Variants in TMEM108 observed in about 807,000 individuals in gnomAD.
TMEM108 encodes transmembrane protein 108, also known as cancer/testis antigen 124.
A neutral mutation model predicts 35.1 loss-of-function variants in TMEM108; 12 were observed. That is an observed-to-expected ratio of 0.34 (90% CI 0.22 to 0.55). The LOEUF (loss-of-function observed/expected upper bound fraction) is 0.55. Ranked by LOEUF, TMEM108 falls within the 20% of genes least tolerant of loss-of-function variation. The probability of loss-of-function intolerance (pLI) is 0.89; values close to 1 mark genes in which losing one functional copy is unlikely to be tolerated. For synonymous variants in TMEM108, 287 were observed against 308.6 expected (o/e 0.93, Z 0.73); for missense variants, 680 against 753.3 (o/e 0.90, Z 1.14).
chr3:133,325,836 A>G (rs1023889259), intron 3 of TMEM108, among the ~76,000 whole-genome samples: 1 of 151,894 alleles, frequency 6.6e-6, no homozygotes, highest in East Asian at 1.9e-4. Flanking sequence ...AATACTAATA[A>G]CATTTGATAA....
At chr3:133,219,560 T>A (rs1945957613) in intron 2 of TMEM108, among the ~76,000 whole-genome samples, 1 of 152,176 alleles carries the variant, frequency 6.6e-6, no homozygotes, top group African/African-American at 2.4e-5. Context: ...TTCATTTGTC[T>A]CAAGATAATT....
intron 3 of TMEM108, chr3:133,256,885 T>G (rs1946555248): frequency 1.3e-5 from 2 of 152,164 alleles, no homozygotes; most frequent in Non-Finnish European, 2.9e-5. Flanking sequence ...ACTATAACCT[T>G]AATGCAAAAG....
chr3:133,290,263 C>CACTT (rs1394642066), intron 3 of TMEM108, among the ~76,000 whole-genome samples: 1 of 152,140 alleles, frequency 6.6e-6, no homozygotes, highest in Non-Finnish European at 1.5e-5. Context: ...AACTATCAAC[C>CACTT]ACTTAGCTAT....
At chr3:133,177,691 C>T (rs1945258173) in intron 2 of TMEM108, among the ~76,000 whole-genome samples, 1 of 152,114 alleles carries the variant, frequency 6.6e-6, no homozygotes, top group African/African-American at 2.4e-5. Flanking sequence ...CTATGACAAA[C>T]CCACAGCCAA....
chr3:133,065,763 A>C (rs1470823814), intron 2 of TMEM108, among the ~76,000 whole-genome samples: 2 of 152,192 alleles, frequency 1.3e-5, no homozygotes, highest in African/African-American at 2.4e-5. Context: ...TGGAAATTAC[A>C]ATACCAGTAT....
chr3:133,047,681 G>T (rs1943356853), intron 2 of TMEM108, among the ~76,000 whole-genome samples: 1 of 151,692 alleles, frequency 6.6e-6, no homozygotes, highest in Non-Finnish European at 1.5e-5. Flanking sequence ...GAGCAGAATT[G>T]CCCCTGGTTG....
At chr3:133,217,420 T>C (rs189426843) in intron 2 of TMEM108, among the ~76,000 whole-genome samples, 113 of 152,192 alleles carry the variant, frequency 7.4e-4, no homozygotes, top group African/African-American at 2.6e-3. Flanking sequence ...TATAAAAGCT[T>C]GTTTGTTTGA....
chr3:133,178,329 A>G (rs2107799329), intron 2 of TMEM108, among the ~76,000 whole-genome samples: 2 of 152,354 alleles, frequency 1.3e-5, no homozygotes, highest in Middle Eastern at 6.8e-3. Flanking sequence ...ATATGGAACC[A>G]AAAAAGAGCC....
At chr3:133,392,877 A>G (rs2073254743) in intron 5 of TMEM108, among the ~76,000 whole-genome samples, 1 of 152,134 alleles carries the variant, frequency 6.6e-6, no homozygotes, top group Admixed American at 6.5e-5. Flanking sequence ...CCCCACTACC[A>G]TCTTGCCTTC....
chr3:133,173,903 A>G (rs1266933397), intron 2 of TMEM108, among the ~76,000 whole-genome samples: 1 of 152,220 alleles, frequency 6.6e-6, no homozygotes, highest in African/African-American at 2.4e-5. Flanking sequence ...GGGAAGCACA[A>G]GGGGTTAGGG....
chr3:133,296,707 G>GCCCTGTCCT (rs1559895770), intron 3 of TMEM108, among the ~76,000 whole-genome samples: 2 of 152,122 alleles, frequency 1.3e-5, no homozygotes, highest in African/African-American at 4.8e-5. Context: ...GGACAGGGGG[G>GCCCTGTCCT]ACTTGGGGGC....
intron 2 of TMEM108, among the ~76,000 whole-genome samples, chr3:133,152,949 T>C (rs1944823116): frequency 6.6e-6 from 1 of 152,106 alleles, no homozygotes; most frequent in Non-Finnish European, 1.5e-5. Context: ...TGCAAAGAGC[T>C]TTGATTCAAT....
Position 133,299,387 on chromosome 3 carries a change from G to A in TMEM108, c.40+70036G>A, listed in dbSNP as rs78066749. Among the ~76,000 whole-genome samples, 952 of 152,256 alleles carry A rather than the reference G, an allele frequency of 6.3e-3. 18 individuals are homozygous for A. The highest frequency in any genetic ancestry group is 0.022 in the African/African-American group (893 of 41,522). ...AGAAGTTTGGTTTGGAGGTCAAGCCGTGTTCTCTAGAATTTCTGTATAGAC... is the reference window on the plus strand; with the variant it reads ...AGAAGTTTGGTTTGGAGGTCAAGCCATGTTCTCTAGAATTTCTGTATAGAC... On this transcript the variant is annotated intron_variant, in intron 3 of 5. Transcript: ENST00000321871.
intron 2 of TMEM108, among the ~76,000 whole-genome samples, chr3:133,180,177 A>G (rs1456627064): frequency 1.3e-5 from 2 of 152,130 alleles, no homozygotes; most frequent in African/African-American, 2.4e-5. Flanking sequence ...GCTTCATTCT[A>G]TCTAATGTGG....
rs150641353 is a variant in TMEM108 at position 133,359,026 on chromosome 3, G to C, written c.41-20726G>C. On this transcript the variant is annotated intron_variant, in intron 3 of 5. Coordinates refer to ENST00000321871, the MANE Select transcript of TMEM108 (RefSeq NM_023943.4). ...ATGTTATATTGAAACAGCCACACCC[G>C]TTCATTTACATCAGATCTGTGGTTT... Among the ~76,000 whole-genome samples the C allele has an allele frequency of 5.9e-5, 9 of 152,214 alleles. No homozygotes were observed. The South Asian group carries it at 1.9e-3, about 32-fold the overall frequency.
rs556888112 is a variant in TMEM108, at chr3:133,207,168, T to C, written c.-46-22098T>C. 1.2e-3 allele frequency among the ~76,000 whole-genome samples: 188 copies of C among 152,246 alleles called. 1 individual carries two copies. The highest frequency in any genetic ancestry group is 4.3e-3 in the African/African-American group (177 of 41,532). On this transcript the variant is annotated intron_variant, in intron 2 of 5. Coordinates refer to ENST00000321871, the MANE Select transcript of TMEM108 (RefSeq NM_023943.4). Reference sequence around the variant, plus strand: ...TGTTGCGAAGACCATGGGAAAAGCATAGTATCTGCATTGGAATGCACCGTT... The same window carrying C: ...TGTTGCGAAGACCATGGGAAAAGCACAGTATCTGCATTGGAATGCACCGTT...
At chr3:133,163,795 T>A (rs1208296060) in intron 2 of TMEM108, among the ~76,000 whole-genome samples, 2 of 152,116 alleles carry the variant, frequency 1.3e-5, no homozygotes, top group Non-Finnish European at 2.9e-5. Flanking sequence ...TGCCATTGGG[T>A]GTAGCATCCT....
At chr3:133,209,307 T>C (rs1222009713) in intron 2 of TMEM108, among the ~76,000 whole-genome samples, 1 of 152,116 alleles carries the variant, frequency 6.6e-6, no homozygotes, top group East Asian at 1.9e-4. Flanking sequence ...TCCAAAGACC[T>C]GGGATTATAG....
At chr3:133,174,835 T>C (rs561407804) in intron 2 of TMEM108, among the ~76,000 whole-genome samples, 19 of 152,244 alleles carry the variant, frequency 1.2e-4, no homozygotes, top group Non-Finnish European at 2.5e-4. Flanking sequence ...AGAATGACTT[T>C]GATGAGTTGA....
Sources: gnomAD v4.1 joint callset for allele counts (sites outside exome capture counted in the v4.1 genomes callset) on GRCh38, gnomAD v4.1.1 for gene constraint, MANE v1.5 for transcripts, NCBI Gene and HGNC (gene_info 2026-07-23, HGNC 2026-07-21) for gene names.